Variants in STK3 observed in about 807,000 individuals in gnomAD.
STK3 encodes serine/threonine kinase 3.
STK3 carries 41 observed loss-of-function variants against 58.0 expected under a neutral mutation model. The ratio of observed to expected loss-of-function variants is 0.71; its 90% CI spans 0.55 to 0.92. STK3 has a LOEUF of 0.92. Ranked by LOEUF, STK3 falls within the 40% of genes least tolerant of loss-of-function variation. The probability of loss-of-function intolerance (pLI) is 0.00; values close to 1 mark genes in which losing one functional copy is unlikely to be tolerated. For missense variants in STK3, 479 were observed against 602.7 expected (o/e 0.79, Z 2.15); for synonymous variants, 170 against 191.0 (o/e 0.89, Z 0.91).
chr8:98,757,617 G>T (rs1350303943), intron 3 of STK3, among the ~76,000 whole-genome samples: 1 of 135,254 alleles, frequency 7.4e-6, no homozygotes, highest in East Asian at 2.2e-4. Context: ...AAAAAAAAAA[G>T]CCTACCAATA....
In STK3 at chr8:98,706,468, C is replaced by A. The variant is rs769609076; in HGVS notation, c.683G>T (p.Arg228Met). 6.2e-7 allele frequency: 1 copy of A among 1,606,506 alleles called. No individual in the cohort carries two copies. Among genetic ancestry groups the A allele is most frequent in the Non-Finnish European group, 8.5e-7 (1 of 1,177,562 alleles). The change falls in exon 6 of 11, where the codon AGG becomes ATG. Residue 228 changes from arginine to methionine, a missense_variant and splice_region_variant. Around this residue, in one of 3 missense-constraint regions of STK3, gnomAD observed 309 missense variants for 355.7 expected, o/e 0.87. Coordinates refer to ENST00000419617, the MANE Select transcript of STK3 (RefSeq NM_006281.4). Reference protein sequence around the residue: ...KPPYADIHPMRAIFMIPTNPP... With the variant: ...KPPYADIHPMMAIFMIPTNPP... ...TTCAGCAAACCATAATTTTCTTACCCTCATTGGATGTATATCAGCATAAGG... is the reference window on the plus strand; with the variant it reads ...TTCAGCAAACCATAATTTTCTTACCATCATTGGATGTATATCAGCATAAGG...
chr8:98,859,657 C>A (rs1836855096), intron 3 of STK3, among the ~76,000 whole-genome samples: 1 of 152,134 alleles, frequency 6.6e-6, no homozygotes, highest in African/African-American at 2.4e-5. Flanking sequence ...GCTCCGAGAC[C>A]CAGAAGCATG....
upstream of STK3, among the ~76,000 whole-genome samples, chr8:98,392,745 G>A (rs1045590154): frequency 1.3e-5 from 2 of 152,232 alleles, no homozygotes; most frequent in African/African-American, 2.4e-5. Flanking sequence ...CTCATCTCCT[G>A]AGTAGGGTCA....
chr8:98,473,402 C>T (rs917086685), intron 10 of STK3, among the ~76,000 whole-genome samples: 50 of 152,246 alleles, frequency 3.3e-4, no homozygotes, highest in Non-Finnish European at 7.4e-5. Context: ...TCTGATATTT[C>T]CCATCTTAAA....
intron 10 of STK3, among the ~76,000 whole-genome samples, chr8:98,506,938 C>A (rs1011341950): frequency 1.3e-5 from 2 of 152,274 alleles, no homozygotes; most frequent in East Asian, 3.9e-4. Context: ...GGATTCCTGG[C>A]TCCAGAACTG....
chr8:98,839,689 G>T (rs932070467), intron 3 of STK3, among the ~76,000 whole-genome samples: 2 of 152,182 alleles, frequency 1.3e-5, no homozygotes, highest in East Asian at 1.9e-4. Context: ...ATACTTTTAC[G>T]TGGTTAATTT....
chr8:98,529,071 G>GT (rs1205679499), intron 9 of STK3, among the ~76,000 whole-genome samples: 3 of 152,160 alleles, frequency 2.0e-5, no homozygotes, highest in African/African-American at 7.2e-5. Flanking sequence ...GATTGCATTT[G>GT]TAATAGTCCT....
chr8:98,448,947 A>AT (rs200574501), intron 1 of STK3, among the ~76,000 whole-genome samples: 2,323 of 152,234 alleles, frequency 0.015, 56 homozygotes, highest in African/African-American at 0.052. Flanking sequence ...AGAGAGGTAG[A>AT]TTTTTTTATA....
chr8:98,550,398 A>T lies in STK3; in HGVS notation c.949-2237T>A, dbSNP rs141624977. Among the ~76,000 whole-genome samples the T allele has an allele frequency of 9.2e-3, 1,402 of 152,290 alleles. 18 individuals are homozygous for T. The highest frequency in any genetic ancestry group is 0.032 in the African/African-American group (1,326 of 41,568). Reference sequence around the variant, plus strand: ...CTTTACTTATTACGTAAATACTTAAAGATGTCTAAAATTTGACAGTCCCAA... The same window carrying T: ...CTTTACTTATTACGTAAATACTTAATGATGTCTAAAATTTGACAGTCCCAA... On this transcript the variant is annotated intron_variant, in intron 8 of 10. Transcript: ENST00000419617.
intron 3 of STK3, chr8:98,427,191 C>A (rs1369352755): frequency 6.7e-6 from 1 of 149,552 alleles, no homozygotes; most frequent in African/African-American, 2.5e-5. Flanking sequence ...GCTCGGCGGC[C>A]CCCGCCCGCC....
chr8:98,877,710 C>T (rs1236520451), intron 3 of STK3, among the ~76,000 whole-genome samples: 4 of 151,770 alleles, frequency 2.6e-5, no homozygotes, highest in South Asian at 2.1e-4. Flanking sequence ...CTCGAACTCC[C>T]GACCTCAGGT....
intron 4 of STK3, among the ~76,000 whole-genome samples, chr8:98,712,639 C>T (rs1563920174): frequency 6.6e-6 from 1 of 152,076 alleles, no homozygotes; most frequent in African/African-American, 2.4e-5. Flanking sequence ...TAAAGCAAGT[C>T]CTGACTGACC....
At chr8:98,629,384 A>C (rs966873110) in intron 6 of STK3, among the ~76,000 whole-genome samples, 11 of 152,160 alleles carry the variant, frequency 7.2e-5, no homozygotes, top group Non-Finnish European at 1.6e-4. Context: ...CATGAAAAAA[A>C]CTGGAGACCC....
At chr8:98,642,766 A>G (rs1329726847) in intron 6 of STK3, among the ~76,000 whole-genome samples, 8 of 152,196 alleles carry the variant, frequency 5.3e-5, no homozygotes, top group Non-Finnish European at 8.8e-5. Context: ...ACAGGATCAC[A>G]TATGATTACC....
intron 6 of STK3, among the ~76,000 whole-genome samples, chr8:98,695,879 A>C (rs1392568163): frequency 2.0e-5 from 3 of 152,166 alleles, no homozygotes; most frequent in Non-Finnish European, 4.4e-5. Context: ...ACTTTAAAAT[A>C]GTTTTTTCCA....
At chr8:98,561,502 T>A (rs774501865) in intron 8 of STK3, among the ~76,000 whole-genome samples, 1 of 152,018 alleles carries the variant, frequency 6.6e-6, no homozygotes, top group Non-Finnish European at 1.5e-5. Flanking sequence ...GGTATCATCA[T>A]AATAAAACTA....
intron 1 of STK3, among the ~76,000 whole-genome samples, chr8:98,802,565 T>C (rs1461544127): frequency 6.6e-6 from 1 of 152,186 alleles, no homozygotes; most frequent in African/African-American, 2.4e-5. Context: ...AAACTATGTT[T>C]AAAGTTCTCC....
intron 3 of STK3, among the ~76,000 whole-genome samples, chr8:98,756,822 A>G (rs1249823163): frequency 6.6e-6 from 1 of 152,110 alleles, no homozygotes; most frequent in African/African-American, 2.4e-5. Context: ...CAAACCTCCA[A>G]CCACCTCTAT....
intron 8 of STK3, among the ~76,000 whole-genome samples, chr8:98,554,181 T>C (rs1429808935): frequency 3.3e-5 from 5 of 152,262 alleles, no homozygotes; most frequent in Admixed American, 3.3e-4. Flanking sequence ...ATTTAACTCA[T>C]ACTACAGGTT....
Sources: gnomAD v4.1 joint callset for allele counts (sites outside exome capture counted in the v4.1 genomes callset) on GRCh38, gnomAD v4.1.1 for gene constraint, gnomAD v4.1.1 regional missense constraint, MANE v1.5 for transcripts, NCBI Gene and HGNC (gene_info 2026-07-23, HGNC 2026-07-21) for gene names.